Variants in NPY2R observed in about 807,000 individuals in gnomAD.
NPY2R encodes neuropeptide Y receptor Y2.
Under a neutral mutation model 22.3 loss-of-function variants are expected in NPY2R, and 17 were observed. That is an observed-to-expected ratio of 0.76 (90% CI 0.52 to 1.14). The LOEUF is 1.14. Ranked by LOEUF, NPY2R falls within the 50% of genes most tolerant of loss-of-function variation. The pLI, the probability that NPY2R is intolerant of heterozygous loss-of-function variation, is 0.00. For missense variants in NPY2R, 424 were observed against 467.9 expected (o/e 0.91, Z 0.87); for synonymous variants, 209 against 183.4 (o/e 1.14, Z -1.13).
At chr4:155,194,199 C>G in the NPY2R span, among the ~76,000 whole-genome samples, 3 of 151,926 alleles carry the variant, frequency 2.0e-5, no homozygotes, top group Non-Finnish European at 4.4e-5. Flanking sequence ...ATCTACTGTA[C>G]AGCATAGTCT....
chr4:155,182,304 C>T, the NPY2R span, among the ~76,000 whole-genome samples: 12 of 152,100 alleles, frequency 7.9e-5, no homozygotes, highest in African/African-American at 2.9e-4. Context: ...TATATTTATC[C>T]TTTTCAGAAT....
the NPY2R span, among the ~76,000 whole-genome samples, chr4:155,174,484 A>ATATATATATATATATATAT: frequency 8.5e-3 from 901 of 105,812 alleles, 10 homozygotes; most frequent in South Asian, 0.018. Flanking sequence ...ATATATATAT[A>ATATATATATATATATATAT]TTTTTTTTTT....
chr4:155,194,524 T>A, the NPY2R span, among the ~76,000 whole-genome samples: 1 of 152,016 alleles, frequency 6.6e-6, no homozygotes. Flanking sequence ...TCTGCATTAA[T>A]TTACTTAGGA....
At chr4:155,188,438 G>A in the NPY2R span, among the ~76,000 whole-genome samples, 1 of 152,200 alleles carries the variant, frequency 6.6e-6, no homozygotes, top group East Asian at 1.9e-4. Flanking sequence ...CTCTAAGATG[G>A]TTCCTGATTT....
At chr4:155,189,738 CA>C in the NPY2R span, among the ~76,000 whole-genome samples, 1 of 151,856 alleles carries the variant, frequency 6.6e-6, no homozygotes, top group East Asian at 1.9e-4. Context: ...ACAACCAAAC[CA>C]GGAGTAGGGA....
the NPY2R span, among the ~76,000 whole-genome samples, chr4:155,201,277 T>G: frequency 1.3e-5 from 2 of 152,102 alleles, 1 homozygote; most frequent in Non-Finnish European, 2.9e-5. Context: ...AGAAGCCTTA[T>G]AGTTTCTGCC....
the NPY2R span, among the ~76,000 whole-genome samples, chr4:155,188,925 T>A: frequency 1.3e-5 from 2 of 152,142 alleles, no homozygotes; most frequent in Non-Finnish European, 2.9e-5. Flanking sequence ...CTGCAAAATT[T>A]GTGGTAGTGT....
the NPY2R span, among the ~76,000 whole-genome samples, chr4:155,198,933 A>G: frequency 6.6e-6 from 1 of 152,082 alleles, no homozygotes; most frequent in Non-Finnish European, 1.5e-5. Context: ...GAAATTGGTT[A>G]CTAGGAAACC....
chr4:155,202,482 CAAT>C, the NPY2R span, among the ~76,000 whole-genome samples: 1 of 152,088 alleles, frequency 6.6e-6, no homozygotes, highest in African/African-American at 2.4e-5. Flanking sequence ...CATACAGTCT[CAAT>C]AAAGATTTCT....
At chr4:155,184,730 T>C in the NPY2R span, among the ~76,000 whole-genome samples, 8 of 152,090 alleles carry the variant, frequency 5.3e-5, no homozygotes, top group Non-Finnish European at 1.2e-4. Flanking sequence ...TTCTCAAATA[T>C]TGTGCTGCGC....
the NPY2R span, among the ~76,000 whole-genome samples, chr4:155,189,004 T>C: frequency 2.6e-5 from 4 of 152,240 alleles, no homozygotes; most frequent in East Asian, 1.9e-4. Flanking sequence ...TCTTTAAATG[T>C]GGGATGGGGA....
chr4:155,180,748 G>A, the NPY2R span, among the ~76,000 whole-genome samples: 10 of 151,730 alleles, frequency 6.6e-5, no homozygotes, highest in African/African-American at 2.4e-4. Context: ...ATTAGAGTAG[G>A]CATGTTAGTA....
chr4:155,180,153 C>A, the NPY2R span, among the ~76,000 whole-genome samples: 1 of 151,848 alleles, frequency 6.6e-6, no homozygotes, highest in African/African-American at 2.4e-5. Flanking sequence ...CTCCTAGGCT[C>A]AGGCAATCCT....
the NPY2R span, among the ~76,000 whole-genome samples, chr4:155,200,138 T>G: frequency 6.6e-6 from 1 of 152,052 alleles, no homozygotes; most frequent in African/African-American, 2.4e-5. Context: ...TACGAAGAAC[T>G]TAACCAAATT....
At chr4:155,186,558 T>C in the NPY2R span, among the ~76,000 whole-genome samples, 2 of 152,210 alleles carry the variant, frequency 1.3e-5, no homozygotes, top group Non-Finnish European at 2.9e-5. Context: ...AATTAACATA[T>C]GAATTACCTG....
rs867952475 is a variant in NPY2R, at chr4:155,211,198, T to C, written c.-49+2129T>C. On this transcript the variant is annotated intron_variant, in intron 1 of 1. Coordinates refer to ENST00000329476, the MANE Select transcript of NPY2R (RefSeq NM_000910.4). ...ATTGCTGAGTACCTTTAATATGCTATATAGTGTGCTAGGGATTAAACAATG... is the reference window on the plus strand; with the variant it reads ...ATTGCTGAGTACCTTTAATATGCTACATAGTGTGCTAGGGATTAAACAATG... Among the ~76,000 whole-genome samples, 4 of 152,186 alleles carry C rather than the reference T, an allele frequency of 2.6e-5. No individual in the cohort carries two copies. The South Asian group carries it at 6.2e-4, about 24-fold the overall frequency.
the NPY2R span, among the ~76,000 whole-genome samples, chr4:155,202,974 T>A: frequency 1.3e-5 from 2 of 152,124 alleles, no homozygotes; most frequent in African/African-American, 2.4e-5. Flanking sequence ...AAATGTCCCT[T>A]CCTTTGTTCT....
At chr4:155,207,129 G>A (rs552361762), upstream of NPY2R, 3 of 152,210 alleles carry the variant, frequency 2.0e-5, no homozygotes, top group South Asian at 2.1e-4. Context: ...ATACTCCTGT[G>A]GGCATAATTC....
At chr4:155,174,071 A>G in the NPY2R span, 1 of 151,932 alleles carries the variant, frequency 6.6e-6, no homozygotes, top group Non-Finnish European at 1.5e-5. Flanking sequence ...TGACATCTGT[A>G]GGTGATTCAT....
Sources: allele counts gnomAD v4.1 joint callset (sites outside exome capture counted in the v4.1 genomes callset), GRCh38; gene constraint gnomAD v4.1.1; transcripts MANE v1.5; gene names NCBI Gene and HGNC (gene_info 2026-07-23, HGNC 2026-07-21).